NSD1: variants seen among roughly 807,000 people sequenced by gnomAD.
NSD1 encodes the protein nuclear receptor binding SET domain protein 1.
Under a neutral mutation model 242.7 loss-of-function variants are expected in NSD1, and 26 were observed. The ratio of observed to expected loss-of-function variants is 0.11; its 90% CI spans 0.08 to 0.15. The LOEUF is 0.15. Ranked by LOEUF, NSD1 falls within the 10% of genes least tolerant of loss-of-function variation. The pLI is 1.00. For missense variants in NSD1, 2,495 were observed against 3,272.8 expected (o/e 0.76, Z 5.80); for synonymous variants, 1,106 against 1,178.1 (o/e 0.94, Z 1.25).
chr5:177,137,946 G>C (rs1204713378), intron 2 of NSD1, among the ~76,000 whole-genome samples: 1 of 151,990 alleles, frequency 6.6e-6, no homozygotes, highest in East Asian at 1.9e-4. Flanking sequence ...GTGATGGTGG[G>C]CAACTGTAAT....
chr5:177,183,692 A>G (rs569927102), intron 2 of NSD1, among the ~76,000 whole-genome samples: 9 of 152,228 alleles, frequency 5.9e-5, no homozygotes, highest in Non-Finnish European at 1.2e-4. Flanking sequence ...TGTGCTATCA[A>G]ATTCTAGTTC....
upstream of NSD1, among the ~76,000 whole-genome samples, chr5:177,132,420 C>G (rs565647054): frequency 4.1e-3 from 626 of 151,644 alleles, 4 homozygotes; most frequent in African/African-American, 0.015. The surrounding 1 kb of genome is among the most constrained non-coding windows in gnomAD (Gnocchi z 7.5). Flanking sequence ...GCCCGCTGCC[C>G]GAGCCCCCGT....
intron 5 of NSD1, among the ~76,000 whole-genome samples, chr5:177,219,600 A>G (rs1253434862): frequency 1.3e-5 from 2 of 152,132 alleles, no homozygotes; most frequent in Non-Finnish European, 2.9e-5. Flanking sequence ...TTGTACTGAT[A>G]CTGATTTCTA....
At chr5:177,243,065 T>G (rs1766008108) in intron 8 of NSD1, among the ~76,000 whole-genome samples, 1 of 152,262 alleles carries the variant, frequency 6.6e-6, no homozygotes, top group African/African-American at 2.4e-5. Flanking sequence ...TGAAGTCATT[T>G]TAAGTTGGAA....
chr5:177,267,847 AT>A (rs1757622593), intron 15 of NSD1, 129 bp downstream of exon 15: 3 of 921,434 alleles, frequency 3.3e-6, no homozygotes, highest in South Asian at 2.8e-5. Context: ...CTTCTTCTTG[AT>A]TTTTTTCCTT....
chr5:177,154,994 CA>C (rs200651195), intron 2 of NSD1, among the ~76,000 whole-genome samples: 3,430 of 147,898 alleles, frequency 0.023, 52 homozygotes, highest in South Asian at 0.053. Flanking sequence ...CCGTGCCCGG[CA>C]ATTTTTTTTT....
intron 2 of NSD1, among the ~76,000 whole-genome samples, chr5:177,178,781 T>G (rs1760418471): frequency 6.6e-6 from 1 of 152,166 alleles, no homozygotes; most frequent in Admixed American, 6.6e-5. Context: ...AGCACATTTT[T>G]ATTGATTACT....
At chr5:177,225,705 T>C (rs1318477249) in intron 5 of NSD1, among the ~76,000 whole-genome samples, 2 of 152,214 alleles carry the variant, frequency 1.3e-5, no homozygotes, top group East Asian at 3.8e-4. Flanking sequence ...GCAGATGATG[T>C]CTTTTCCTTA....
intron 14 of NSD1, among the ~76,000 whole-genome samples, chr5:177,261,156 C>T (rs1159566747): frequency 6.6e-6 from 1 of 151,954 alleles, no homozygotes; most frequent in South Asian, 2.1e-4. Context: ...CCCCATCCCT[C>T]CCCCACCGGT....
At chr5:177,274,550 A>G (rs1265636016) in intron 17 of NSD1, among the ~76,000 whole-genome samples, 1 of 152,230 alleles carries the variant, frequency 6.6e-6, no homozygotes, top group Non-Finnish European at 1.5e-5. Flanking sequence ...CAAATATCAT[A>G]AAACATGAAA....
chr5:177,282,071 G>C (rs1360485866), intron 18 of NSD1, among the ~76,000 whole-genome samples: 1 of 152,210 alleles, frequency 6.6e-6, no homozygotes. Flanking sequence ...GAATAGGGAG[G>C]ATGGTACTTT....
chr5:177,182,938 T>C (rs1760817111), intron 2 of NSD1, among the ~76,000 whole-genome samples: 1 of 151,940 alleles, frequency 6.6e-6, no homozygotes. Flanking sequence ...GTGCCTGGCC[T>C]CTTTTTTTGT....
intron 4 of NSD1, among the ~76,000 whole-genome samples, chr5:177,205,040 G>C (rs528512497): frequency 4.0e-5 from 6 of 151,804 alleles, no homozygotes; most frequent in Admixed American, 3.9e-4. Context: ...TTGTTTGTTT[G>C]TTTCTTTGTT....
At chr5:177,149,893 A>G (rs929003846) in intron 2 of NSD1, among the ~76,000 whole-genome samples, 5 of 152,134 alleles carry the variant, frequency 3.3e-5, no homozygotes, top group Middle Eastern at 3.4e-3. Flanking sequence ...CCTGTTCTAG[A>G]TGATCCACAT....
At chr5:177,259,528 C>G (rs951857867) in intron 13 of NSD1, among the ~76,000 whole-genome samples, 2 of 152,124 alleles carry the variant, frequency 1.3e-5, no homozygotes, top group African/African-American at 4.8e-5. Flanking sequence ...ATTGTTATTA[C>G]AGATTGCATT....
intron 3 of NSD1, among the ~76,000 whole-genome samples, chr5:177,196,780 AAAAG>A (rs1473084691): frequency 1.3e-5 from 2 of 152,218 alleles, no homozygotes; most frequent in African/African-American, 4.8e-5. Flanking sequence ...AGCTTGCTGA[AAAAG>A]AATGATGAAA....
intron 2 of NSD1, among the ~76,000 whole-genome samples, chr5:177,158,286 TTTCTTTCTTTCTTTCTTTTC>T (rs1758339535): frequency 3.4e-5 from 3 of 87,422 alleles, no homozygotes; most frequent in Non-Finnish European, 6.6e-5. Flanking sequence ...TCTTTCTTTC[TTTCTTTCTTTCTTTCTTTTC>T]TTTCTTTTCT....
rs1180409864 is a variant in NSD1, at chr5:177,211,837, T to C, written c.3438T>C (p.Asp1146=). Residue 1146 remains aspartate (D), a synonymous_variant, in exon 5 of 23, where the codon GAT becomes GAC. Coordinates refer to ENST00000439151, the MANE Select transcript of NSD1 (RefSeq NM_022455.5). ...ELDSVMNSEN[D]ELNGVNQVVP... The stretch of plus-strand genomic sequence containing the variant: ...ACTCTGTAATGAACAGTGAGAATGA[T>C]GAACTCAATGGTGTAAATCAAGTGG... 6.2e-7 allele frequency: 1 copy of C among 1,614,018 alleles called. No individual in the cohort carries two copies. Among genetic ancestry groups the C allele is most frequent in the Non-Finnish European group, 8.5e-7 (1 of 1,180,028 alleles).
intron 2 of NSD1, among the ~76,000 whole-genome samples, chr5:177,154,019 A>C (rs1337076410): frequency 3.8e-4 from 58 of 152,000 alleles, no homozygotes; most frequent in Non-Finnish European, 2.9e-5. Flanking sequence ...CAGTCTCTCT[A>C]ATGAATTTAC....
Sources: gnomAD v4.1 joint callset for allele counts (sites outside exome capture counted in the v4.1 genomes callset) on GRCh38, gnomAD v4.1.1 for gene constraint, Gnocchi (gnomAD v3.1) non-coding constraint, MANE v1.5 for transcripts, NCBI Gene and HGNC (gene_info 2026-07-23, HGNC 2026-07-21) for gene names.